PLPPR1: variants seen among roughly 807,000 people sequenced by gnomAD.
PLPPR1 encodes phospholipid phosphatase-related protein type 1.
In PLPPR1, 10 loss-of-function variants were observed where a neutral mutation model predicts 33.1. The ratio of observed to expected loss-of-function variants is 0.30; its 90% confidence interval spans 0.19 to 0.51. The LOEUF (loss-of-function observed/expected upper bound fraction) is 0.51. Among genes scored for constraint, PLPPR1 ranks in the 20% least tolerant of loss-of-function variants. The pLI is 0.97. For synonymous variants in PLPPR1, 151 were observed against 151.0 expected, an observed-to-expected ratio of 1.00 and a Z score of 0.00; for missense variants, 304 against 408.1, an observed-to-expected ratio of 0.74 and a Z score of 2.20.
intron 1 of PLPPR1, among the ~76,000 whole-genome samples, chr9:101,056,102 G>A (rs77210656): frequency 0.014 from 2,186 of 152,256 alleles, 59 homozygotes; most frequent in African/African-American, 0.05. Flanking sequence ...GTATTCTGGG[G>A]AAGTATGTAC....
intron 2 of PLPPR1, among the ~76,000 whole-genome samples, chr9:101,206,960 C>A (rs1826599472): frequency 6.6e-6 from 1 of 152,026 alleles, no homozygotes; most frequent in Non-Finnish European, 1.5e-5. Context: ...TGAAATCCTT[C>A]AAAAAGGGAC....
chr9:101,219,747 T>C (rs1219773199), intron 2 of PLPPR1, among the ~76,000 whole-genome samples: 2 of 152,196 alleles, frequency 1.3e-5, no homozygotes, highest in African/African-American at 4.8e-5. Context: ...GTTGCTATCC[T>C]GCGATCAGTT....
intron 4 of PLPPR1, among the ~76,000 whole-genome samples, chr9:101,304,257 A>G (rs1317625760): frequency 6.6e-6 from 1 of 152,264 alleles, no homozygotes; most frequent in African/African-American, 2.4e-5. Flanking sequence ...CTCTGAAATC[A>G]GGGATGCAAA....
chr9:101,242,683 A>G lies in PLPPR1; in HGVS notation c.64-27197A>G, dbSNP rs192864527. 2.0e-5 allele frequency among the ~76,000 whole-genome samples: 3 copies of G among 152,206 alleles called. No homozygotes were observed. In the East Asian group the frequency reaches 5.8e-4, roughly 30 times the overall value. On this transcript the variant is annotated intron_variant, in intron 2 of 7. Transcript: ENST00000374874. ...ACTGCCTATATGTTCTAGAACTGCTAATGGAGCCATGGGAGACAGAAGCTT... is the reference window on the plus strand; with the variant it reads ...ACTGCCTATATGTTCTAGAACTGCTGATGGAGCCATGGGAGACAGAAGCTT...
intron 1 of PLPPR1, among the ~76,000 whole-genome samples, chr9:101,100,836 T>C (rs1410367841): frequency 2.6e-5 from 4 of 151,996 alleles, no homozygotes; most frequent in African/African-American, 7.2e-5. Context: ...GTTAGGACTG[T>C]TATTTCCCCA....
At chr9:101,262,076 A>C (rs1827909935) in intron 2 of PLPPR1, among the ~76,000 whole-genome samples, 1 of 152,174 alleles carries the variant, frequency 6.6e-6, no homozygotes, top group Non-Finnish European at 1.5e-5. Context: ...TAGTTTTTAG[A>C]AACTAAACTG....
At chr9:101,102,279 A>G (rs1456904141) in intron 1 of PLPPR1, among the ~76,000 whole-genome samples, 7 of 115,278 alleles carry the variant, frequency 6.1e-5, no homozygotes, top group African/African-American at 2.2e-4. Flanking sequence ...ATATCTCCCA[A>G]TGCTATCCCT....
intron 2 of PLPPR1, among the ~76,000 whole-genome samples, chr9:101,211,370 AAC>A (rs1463382432): frequency 6.6e-6 from 1 of 152,170 alleles, no homozygotes; most frequent in Non-Finnish European, 1.5e-5. Context: ...CACATCTGAA[AAC>A]AGAGAAAACA....
intron 1 of PLPPR1, among the ~76,000 whole-genome samples, chr9:101,110,635 G>A (rs1024218784): frequency 4.5e-4 from 68 of 152,104 alleles, no homozygotes; most frequent in African/African-American, 1.6e-3. Flanking sequence ...GAGATATAAT[G>A]TCCTGATAGT....
intron 1 of PLPPR1, among the ~76,000 whole-genome samples, chr9:101,169,607 TAA>T (rs1251127074): frequency 1.3e-5 from 2 of 152,128 alleles, no homozygotes; most frequent in African/African-American, 4.8e-5. Context: ...ATTGTTGTCT[TAA>T]AAAGACTAGT....
chr9:101,226,416 G>A (rs1435916757), intron 2 of PLPPR1, among the ~76,000 whole-genome samples: 1 of 152,104 alleles, frequency 6.6e-6, no homozygotes, highest in African/African-American at 2.4e-5. Flanking sequence ...TAGGCTGTTT[G>A]TGCTGCTATA....
intron 2 of PLPPR1, among the ~76,000 whole-genome samples, chr9:101,219,542 A>AC (rs1826882541): frequency 6.6e-6 from 1 of 152,186 alleles, no homozygotes; most frequent in South Asian, 2.1e-4. Flanking sequence ...GTATGTGTAT[A>AC]ATGTTTGAGT....
chr9:101,188,767 T>C (rs1346374371), intron 2 of PLPPR1, among the ~76,000 whole-genome samples: 4 of 152,124 alleles, frequency 2.6e-5, no homozygotes, highest in Non-Finnish European at 5.9e-5. Flanking sequence ...TAAATATACA[T>C]ATTTGACAAC....
At chr9:101,258,802 C>A (rs1001323916) in intron 2 of PLPPR1, among the ~76,000 whole-genome samples, 8 of 152,142 alleles carry the variant, frequency 5.3e-5, no homozygotes, top group Non-Finnish European at 1.0e-4. Context: ...CTCTACTGAT[C>A]CTTGCAATTA....
At chr9:101,147,868 G>C (rs1263064531) in intron 1 of PLPPR1, among the ~76,000 whole-genome samples, 3 of 152,196 alleles carry the variant, frequency 2.0e-5, no homozygotes, top group African/African-American at 7.2e-5. Context: ...GGCAGAAATG[G>C]AATGCCCAGG....
At chr9:101,197,649 G>T (rs1826422171) in intron 2 of PLPPR1, among the ~76,000 whole-genome samples, 1 of 152,300 alleles carries the variant, frequency 6.6e-6, no homozygotes, top group East Asian at 1.9e-4. Context: ...TAAAGAAAAG[G>T]TATGCACCAA....
intron 3 of PLPPR1, among the ~76,000 whole-genome samples, chr9:101,270,890 G>A (rs1159109024): frequency 6.6e-6 from 1 of 152,012 alleles, no homozygotes; most frequent in African/African-American, 2.4e-5. Flanking sequence ...CTGACTCCCT[G>A]AACGCTCCCT....
intron 5 of PLPPR1, among the ~76,000 whole-genome samples, chr9:101,310,179 G>C (rs1828930457): frequency 6.6e-6 from 1 of 152,030 alleles, no homozygotes; most frequent in East Asian, 1.9e-4. Context: ...CTTTTTAACT[G>C]TATTCATTTT....
intron 2 of PLPPR1, among the ~76,000 whole-genome samples, chr9:101,209,107 C>A (rs572446920): frequency 6.6e-6 from 1 of 152,226 alleles, no homozygotes. Context: ...AGCAAATTCT[C>A]AACACCCACT....
Sources: allele counts gnomAD v4.1 joint callset (sites outside exome capture counted in the v4.1 genomes callset), GRCh38; gene constraint gnomAD v4.1.1; transcripts MANE v1.5; gene names NCBI Gene and HGNC (gene_info 2026-07-23, HGNC 2026-07-21).